The following MACF1 variants were observed in gnomAD, a reference collection of about 807,000 sequenced individuals.
The protein encoded by MACF1 is microtubule-actin cross-linking factor 1.
MACF1 carries 193 observed loss-of-function variants against 854.8 expected under a neutral mutation model. The observed-to-expected ratio is 0.23, with a 90% confidence interval of 0.20 to 0.25. The LOEUF is 0.25. Ranked by LOEUF, MACF1 falls within the 10% of genes least tolerant of loss-of-function variation. The pLI is 1.00. For missense variants in MACF1, 7,722 were observed against 8,929.1 expected (o/e 0.86, Z 5.45); for synonymous variants, 3,185 against 3,226.7 (o/e 0.99, Z 0.44).
intron 1 of MACF1, among the ~76,000 whole-genome samples, chr1:39,220,992 G>T (rs1385090055): frequency 6.6e-6 from 1 of 152,212 alleles, no homozygotes; most frequent in East Asian, 1.9e-4. Context: ...GCTGGACTTT[G>T]AAAGGAGGTT....
chr1:39,378,895 G>A (rs1341766646), intron 53 of MACF1, among the ~76,000 whole-genome samples: 5 of 152,180 alleles, frequency 3.3e-5, no homozygotes, highest in African/African-American at 7.2e-5. Flanking sequence ...ATGGAAGAAT[G>A]CTCCAAGTCC....
intron 58 of MACF1, chr1:39,414,283 C>T (rs1380699923): frequency 6.2e-7 from 1 of 1,614,050 alleles, no homozygotes; most frequent in Non-Finnish European, 8.5e-7. Context: ...TGTGCCCTTC[C>T]TGGGAGTTTC....
intron 1 of MACF1, among the ~76,000 whole-genome samples, chr1:39,205,706 C>T (rs1225388237): frequency 6.6e-6 from 1 of 152,156 alleles, no homozygotes; most frequent in Non-Finnish European, 1.5e-5. Context: ...TGTTCCTACA[C>T]AGTTTGGCTA....
intron 1 of MACF1, among the ~76,000 whole-genome samples, chr1:39,212,509 T>A (rs909525285): frequency 6.6e-6 from 1 of 152,188 alleles, no homozygotes; most frequent in Non-Finnish European, 1.5e-5. Flanking sequence ...TTCCTCCAAC[T>A]TCACCCAGTA....
chr1:39,263,332 ATGC>A (rs1168352451), intron 6 of MACF1, among the ~76,000 whole-genome samples: 1 of 152,216 alleles, frequency 6.6e-6, no homozygotes, highest in Non-Finnish European at 1.5e-5. Flanking sequence ...TGATAACTTC[ATGC>A]AGAGGTTTAT....
chr1:39,353,941 G>T (rs1189793975), intron 44 of MACF1, among the ~76,000 whole-genome samples: 1 of 152,148 alleles, frequency 6.6e-6, no homozygotes, highest in Non-Finnish European at 1.5e-5. Context: ...AGCTTCTACT[G>T]GTCTTCTTGC....
chr1:39,327,130 TGAA>T (rs971996995), intron 35 of MACF1, 85 bp from the exon 36 acceptor site: 2 of 1,298,764 alleles, frequency 1.5e-6, no homozygotes, highest in African/African-American at 1.5e-5. Flanking sequence ...CCATCCAAGA[TGAA>T]GAAGTAGCAA....
At position 39,359,209 on chromosome 1, in the gene MACF1, A is replaced by G. The variant is rs1386419595; in HGVS notation, c.12189A>G (p.Ile4063Met). Residue 4063 changes from isoleucine to methionine, a missense_variant, in exon 47 of 101, where the codon ATA becomes ATG. Ile to Met is a conservative substitution (Grantham distance 10, BLOSUM62 1). Around this residue, in one of 15 missense-constraint regions of MACF1, gnomAD observed 2,807 missense variants for 3,235.8 expected, o/e 0.87. Transcript: ENST00000564288. ...AACTCCAAAAAGTAGCTCGTGACAT[A>G]ATGGAAATTGAAGGGGAGCCAGCCC... ...VEKLQKVARD[I>M]MEIEGEPAPD... The G allele has an allele frequency of 2.5e-6, 4 of 1,614,020 alleles. No homozygotes were observed. The highest frequency in any genetic ancestry group is 2.7e-5 in the African/African-American group (2 of 74,912).
chr1:39,353,274 C>T (rs368763331), intron 44 of MACF1, 43 bp downstream of exon 44: 107 of 1,476,564 alleles, frequency 7.2e-5, no homozygotes, highest in South Asian at 4.7e-4. Flanking sequence ...AGAAATCTCT[C>T]CTGCCCTGAG....
rs2148469654 is a variant in MACF1, at chr1:39,332,043, G to A, written c.5455G>A (p.Gly1819Arg). Residue 1819 changes from glycine to arginine, a missense_variant, in exon 37 of 101, where the codon GGG becomes AGG. Coordinates refer to ENST00000564288, the MANE Select transcript of MACF1 (RefSeq NM_001394062.1). ...QTGGIIDTVT[G>R]QRLTIDEAVS... ...AGGAGGCATCATAGACACTGTCACG[G>A]GGCAAAGGCTAACAATAGATGAAGC... The A allele has an allele frequency of 6.2e-7, 1 of 1,613,924 alleles. No individual in the cohort carries two copies. The highest frequency in any genetic ancestry group is 2.2e-5 in the East Asian group (1 of 44,878).
In MACF1 at chr1:39,452,152, C is replaced by A; in HGVS notation, c.20419-4C>A. On this transcript the variant is annotated splice_polypyrimidine_tract_variant and splice_region_variant and intron_variant, in intron 85 of 100. Transcript: ENST00000564288. ...CAAACAAATTCTCCTATTTTCTTTTCTAGGTTTTCCAGAAGGAACTGGGAA... is the reference window on the plus strand; with the variant it reads ...CAAACAAATTCTCCTATTTTCTTTTATAGGTTTTCCAGAAGGAACTGGGAA... 6.3e-7 allele frequency: 1 copy of A among 1,581,690 alleles called. No individual in the cohort carries two copies. Among genetic ancestry groups the A allele is most frequent in the South Asian group, 1.2e-5 (1 of 86,028 alleles).
chr1:39,483,086 CAAAAAAAA>C (rs1198703166), intron 99 of MACF1, among the ~76,000 whole-genome samples: 1 of 22,760 alleles, frequency 4.4e-5, no homozygotes, highest in African/African-American at 1.5e-4. Flanking sequence ...GACTCTGTCT[CAAAAAAAA>C]AAAAAAAAAA....
chr1:39,103,901 A>G (rs1224185334), intron 2 of MACF1, among the ~76,000 whole-genome samples: 2 of 152,218 alleles, frequency 1.3e-5, no homozygotes, highest in Admixed American at 1.3e-4. Flanking sequence ...CCTATTAGCG[A>G]AAAGCGTCAT....
intron 52 of MACF1, among the ~76,000 whole-genome samples, chr1:39,374,836 C>T (rs1301134807): frequency 2.0e-5 from 3 of 152,072 alleles, no homozygotes; most frequent in Non-Finnish European, 4.4e-5. Context: ...GGCTGCCGGG[C>T]GCAGTGGCTC....
intron 3 of MACF1, among the ~76,000 whole-genome samples, chr1:39,251,101 G>A (rs1204625261): frequency 1.3e-5 from 2 of 152,168 alleles, no homozygotes; most frequent in Non-Finnish European, 2.9e-5. Flanking sequence ...TGATTTTACT[G>A]CCTAAGTGAT....
chr1:39,170,061 G>A (rs531315214), intron 2 of MACF1, among the ~76,000 whole-genome samples: 11 of 151,098 alleles, frequency 7.3e-5, no homozygotes, highest in Non-Finnish European at 1.2e-4. Flanking sequence ...GATTACAGGC[G>A]TGAGCCACCG....
chr1:39,370,806 A>G lies in MACF1; in HGVS notation c.13095+620A>G, dbSNP rs2148536751. Among the ~76,000 whole-genome samples, 3 of 152,320 alleles carry G rather than the reference A, an allele frequency of 2.0e-5. 1 individual carries two copies. In the East Asian group the frequency reaches 5.8e-4, roughly 29 times the overall value. On this transcript the variant is annotated intron_variant, in intron 51 of 100. Coordinates refer to ENST00000564288, the MANE Select transcript of MACF1 (RefSeq NM_001394062.1). ...AGCTTTCCCAACATTTTTGTTTCACAGTGCCCATGGTGTTTTAAGAAATTT... is the reference window on the plus strand; with the variant it reads ...AGCTTTCCCAACATTTTTGTTTCACGGTGCCCATGGTGTTTTAAGAAATTT...
At chr1:39,395,300 C>T (rs1004717260) in intron 58 of MACF1, among the ~76,000 whole-genome samples, 3 of 152,172 alleles carry the variant, frequency 2.0e-5, no homozygotes, top group Admixed American at 1.3e-4. Flanking sequence ...GCCACCTATA[C>T]ATGGGAAACT....
intron 2 of MACF1, among the ~76,000 whole-genome samples, chr1:39,247,800 A>G (rs1349308689): frequency 6.6e-6 from 1 of 152,180 alleles, no homozygotes; most frequent in African/African-American, 2.4e-5. Flanking sequence ...GGGGAGGCTG[A>G]GGCGGGTGGA....
Sources: allele counts gnomAD v4.1 joint callset (sites outside exome capture counted in the v4.1 genomes callset), GRCh38; gene constraint gnomAD v4.1.1; regional missense constraint gnomAD v4.1.1; transcripts MANE v1.5; gene names NCBI Gene and HGNC (gene_info 2026-07-23, HGNC 2026-07-21).